OXR1: variants seen among roughly 807,000 people sequenced by gnomAD.
The protein encoded by OXR1 is oxidation resistance 1.
Under a neutral mutation model 104.6 loss-of-function variants are expected in OXR1, and 41 were observed. The observed-to-expected ratio is 0.39, with a 90% CI of 0.31 to 0.51. The LOEUF (loss-of-function observed/expected upper bound fraction) is 0.51, where lower values mean the gene tolerates loss of function less well. Ranked by LOEUF, OXR1 falls within the 20% of genes least tolerant of loss-of-function variation. The pLI, the probability that OXR1 is intolerant of heterozygous loss-of-function variation, is 0.77. For synonymous variants in OXR1, 348 were observed against 348.4 expected (o/e 1.00, Z 0.01); for missense variants, 955 against 1,031.9 (o/e 0.93, Z 1.02).
chr8:106,278,118 A>G (rs1812132128), intron 1 of OXR1, among the ~76,000 whole-genome samples: 1 of 152,158 alleles, frequency 6.6e-6, no homozygotes, highest in South Asian at 2.1e-4. Context: ...ATGTGTTTCC[A>G]ATGATTGATC....
chr8:106,501,795 G>A (rs1164916272), intron 2 of OXR1, among the ~76,000 whole-genome samples: 2 of 152,040 alleles, frequency 1.3e-5, no homozygotes, highest in African/African-American at 4.8e-5. Context: ...CCACATGGAG[G>A]TTATTTTGAA....
chr8:106,666,178 T>C (rs1164754441), intron 3 of OXR1, among the ~76,000 whole-genome samples: 2 of 152,252 alleles, frequency 1.3e-5, no homozygotes, highest in Admixed American at 6.5e-5. Context: ...ACAGTCCATC[T>C]TAACTGAGAG....
chr8:106,622,102 G>T (rs925424344), intron 3 of OXR1, among the ~76,000 whole-genome samples: 2 of 152,030 alleles, frequency 1.3e-5, no homozygotes, highest in South Asian at 4.2e-4. Context: ...TAGCTATTCA[G>T]GCCAGAAACA....
intron 3 of OXR1, among the ~76,000 whole-genome samples, chr8:106,599,396 A>G (rs1000483895): frequency 6.6e-6 from 1 of 152,182 alleles, no homozygotes; most frequent in African/African-American, 2.4e-5. Context: ...TCATGATTAG[A>G]GAGACTTCTT....
chr8:106,386,592 T>C (rs1354255701), intron 2 of OXR1, among the ~76,000 whole-genome samples: 4 of 152,000 alleles, frequency 2.6e-5, no homozygotes, highest in Non-Finnish European at 5.9e-5. Context: ...GAATGGGGAG[T>C]TCTCTGATCT....
chr8:106,472,648 G>A (rs1375575544), intron 2 of OXR1, among the ~76,000 whole-genome samples: 1 of 151,856 alleles, frequency 6.6e-6, no homozygotes, highest in Non-Finnish European at 1.5e-5. Flanking sequence ...CCCATGCTTA[G>A]GTAAAGGAAG....
chr8:106,276,778 CTG>C (rs1419851471), intron 1 of OXR1, among the ~76,000 whole-genome samples: 1 of 137,002 alleles, frequency 7.3e-6, no homozygotes, highest in African/African-American at 2.7e-5. Context: ...AAAAAGGTAA[CTG>C]ATGGGTCTCT....
chr8:106,339,355 C>A (rs566401617), intron 1 of OXR1, among the ~76,000 whole-genome samples: 2 of 150,530 alleles, frequency 1.3e-5, no homozygotes, highest in Admixed American at 1.3e-4. Context: ...ATCAGCCGGG[C>A]GTGGTGGCGA....
At chr8:106,520,192 A>C (rs957574822) in intron 3 of OXR1, among the ~76,000 whole-genome samples, 5 of 152,130 alleles carry the variant, frequency 3.3e-5, no homozygotes, top group Admixed American at 1.3e-4. Context: ...GTTTGCTTTA[A>C]GATGATTGAA....
chr8:106,675,229 C>T (rs1827456322), intron 3 of OXR1, among the ~76,000 whole-genome samples: 1 of 152,120 alleles, frequency 6.6e-6, no homozygotes, highest in Non-Finnish European at 1.5e-5. Flanking sequence ...GAGATATTAA[C>T]AACCTCCATT....
At chr8:106,577,499 C>T (rs1466756153) in intron 3 of OXR1, among the ~76,000 whole-genome samples, 2 of 148,540 alleles carry the variant, frequency 1.3e-5, no homozygotes, top group African/African-American at 5.0e-5. Flanking sequence ...ACACCATTCT[C>T]CTGCCTCAAC....
intron 3 of OXR1, among the ~76,000 whole-genome samples, chr8:106,553,050 G>A (rs1193925515): frequency 6.6e-6 from 1 of 151,926 alleles, no homozygotes; most frequent in African/African-American, 2.4e-5. Flanking sequence ...AGCATCTTAG[G>A]AAAGAAAATT....
chr8:106,469,598 C>A (rs13259827), intron 2 of OXR1, among the ~76,000 whole-genome samples: 26,536 of 151,728 alleles, frequency 0.17, 2,753 homozygotes, highest in East Asian at 0.27. Flanking sequence ...CAGAAAGTAA[C>A]AGGTTTTGAG....
chr8:106,715,219 C>G (rs1832116562), intron 11 of OXR1, among the ~76,000 whole-genome samples: 1 of 151,678 alleles, frequency 6.6e-6, no homozygotes, highest in Non-Finnish European at 1.5e-5. Context: ...TGAACATATA[C>G]TATGTAATTT....
At chr8:106,518,350 T>C (rs1276073672) in intron 2 of OXR1, among the ~76,000 whole-genome samples, 1 of 152,192 alleles carries the variant, frequency 6.6e-6, no homozygotes, top group African/African-American at 2.4e-5. Context: ...AAAGGAAATA[T>C]GCATGAGCAG....
At chr8:106,380,370 T>C (rs1817094286) in intron 2 of OXR1, among the ~76,000 whole-genome samples, 1 of 152,152 alleles carries the variant, frequency 6.6e-6, no homozygotes, top group Admixed American at 6.5e-5. Flanking sequence ...CATTCATCAA[T>C]GGAGGGACAT....
At chr8:106,416,311 G>C (rs1818676730) in intron 2 of OXR1, among the ~76,000 whole-genome samples, 1 of 151,952 alleles carries the variant, frequency 6.6e-6, no homozygotes, top group South Asian at 2.1e-4. Context: ...CAAAAAATCA[G>C]TTACAAACAG....
chr8:106,323,151 C>A (rs1814297225), intron 1 of OXR1, among the ~76,000 whole-genome samples: 1 of 152,120 alleles, frequency 6.6e-6, no homozygotes, highest in Non-Finnish European at 1.5e-5. Flanking sequence ...TACAAGGCTA[C>A]AGTAATGAAA....
intron 2 of OXR1, among the ~76,000 whole-genome samples, chr8:106,387,588 A>G (rs1219477295): frequency 6.6e-6 from 1 of 152,184 alleles, no homozygotes; most frequent in East Asian, 1.9e-4. Flanking sequence ...TTACCTTTTA[A>G]TGGAAAACTG....
Sources: gnomAD v4.1 joint callset for allele counts (sites outside exome capture counted in the v4.1 genomes callset) on GRCh38, gnomAD v4.1.1 for gene constraint, MANE v1.5 for transcripts, NCBI Gene and HGNC (gene_info 2026-07-23, HGNC 2026-07-21) for gene names.